The following PREX2 variants were observed in gnomAD, a reference collection of about 807,000 sequenced individuals.
The protein encoded by PREX2 is phosphatidylinositol 3,4,5-trisphosphate-dependent Rac exchanger 2 protein.
PREX2 carries 107 observed loss-of-function variants against 203.2 expected under a neutral mutation model. That is an observed-to-expected ratio of 0.53 (90% CI 0.45 to 0.62). The LOEUF is 0.62. PREX2 is among the 20% of genes least tolerant of loss of function. PREX2 has a pLI of 0.00. For missense variants in PREX2, 1,777 were observed against 1,955.9 expected (o/e 0.91, Z 1.72); for synonymous variants, 672 against 663.6 (o/e 1.01, Z -0.19).
chr8:68,163,143 C>CA (rs1335325312), intron 35 of PREX2, among the ~76,000 whole-genome samples: 2 of 151,382 alleles, frequency 1.3e-5, no homozygotes, highest in African/African-American at 2.4e-5. Flanking sequence ...AGACAACATA[C>CA]AAAAAAAAGA....
chr8:68,052,821 T>C (rs1242767369), intron 8 of PREX2, among the ~76,000 whole-genome samples: 1 of 152,236 alleles, frequency 6.6e-6, no homozygotes, highest in African/African-American at 2.4e-5. Flanking sequence ...TTTTTGTGCA[T>C]AGAGCATGTA....
chr8:68,170,098 A>G (rs1245872902), intron 35 of PREX2, among the ~76,000 whole-genome samples: 1 of 152,178 alleles, frequency 6.6e-6, no homozygotes, highest in Non-Finnish European at 1.5e-5. Flanking sequence ...ATCTTCCCAG[A>G]GCCAGTGAAT....
chr8:68,079,997 A>G (rs949423032), intron 15 of PREX2, among the ~76,000 whole-genome samples: 3 of 107,296 alleles, frequency 2.8e-5, no homozygotes, highest in Admixed American at 8.7e-5. Context: ...CAAGAAGGCA[A>G]CACTTAACCC....
intron 35 of PREX2, among the ~76,000 whole-genome samples, chr8:68,178,775 T>C (rs540099091): frequency 6.6e-6 from 1 of 152,268 alleles, no homozygotes; most frequent in Admixed American, 6.5e-5. Context: ...ATAACGCTCT[T>C]GGTAGAAGAA....
chr8:68,116,392 C>A lies in PREX2; in HGVS notation c.3326+460C>A, dbSNP rs542695058. 3.3e-5 allele frequency among the ~76,000 whole-genome samples: 5 copies of A among 152,268 alleles called. No individual in the cohort carries two copies. The South Asian group carries it at 1.0e-3, about 32-fold the overall frequency. ...TTCCTTGCCTACCTCGGAGACAAGG[C>A]TTGTGGTTTTTACTCTCTTGGATAC... On this transcript the variant is annotated intron_variant, in intron 26 of 39. Coordinates refer to ENST00000288368, the MANE Select transcript of PREX2 (RefSeq NM_024870.4).
chr8:68,184,174 C>T (rs1481867701), intron 35 of PREX2, among the ~76,000 whole-genome samples: 1 of 152,114 alleles, frequency 6.6e-6, no homozygotes, highest in South Asian at 2.1e-4. Context: ...CACTCATCGT[C>T]GTGTATTCTT....
At chr8:68,217,823 A>G (rs1812873815) in intron 38 of PREX2, 105 bp downstream of exon 38, 2 of 680,274 alleles carry the variant, frequency 2.9e-6, no homozygotes, top group South Asian at 4.1e-5. Context: ...TGTGATGGAC[A>G]GTTTACTAGG....
intron 23 of PREX2, 118 bp downstream of exon 23, chr8:68,099,961 G>A: frequency 2.1e-6 from 2 of 939,320 alleles, no homozygotes; most frequent in South Asian, 2.6e-5. Context: ...TTACTGAGAT[G>A]ATAACATTAT....
chr8:68,179,460 T>C (rs1208919754), intron 35 of PREX2, among the ~76,000 whole-genome samples: 2 of 152,092 alleles, frequency 1.3e-5, no homozygotes, highest in Non-Finnish European at 2.9e-5. Context: ...GAGAGCAAGT[T>C]TGCTTTACGC....
At chr8:68,006,137 A>G (rs374068156) in intron 1 of PREX2, among the ~76,000 whole-genome samples, 20 of 152,272 alleles carry the variant, frequency 1.3e-4, no homozygotes, top group African/African-American at 3.1e-4. Flanking sequence ...TGGTCCCCTA[A>G]GCTCCTGTAT....
chr8:67,996,697 A>T lies in PREX2; in HGVS notation c.142-21149A>T, dbSNP rs189638449. Among the ~76,000 whole-genome samples, 76 of 152,262 alleles carry T rather than the reference A, an allele frequency of 5.0e-4. 1 individual carries two copies. The highest frequency in any genetic ancestry group is 6.8e-3 in the Middle Eastern group (2 of 294). On this transcript the variant is annotated intron_variant, in intron 1 of 39. Transcript: ENST00000288368. ...TATGGTTAATATATCATTTTATCTT[A>T]AAAAATATTTGCCTCTCCCAAGATC...
chr8:68,197,967 T>G (rs1261958647), intron 37 of PREX2, among the ~76,000 whole-genome samples: 2 of 152,006 alleles, frequency 1.3e-5, no homozygotes, highest in South Asian at 2.1e-4. Context: ...CAGAGCGGCA[T>G]CTTTCTATAT....
intron 34 of PREX2, among the ~76,000 whole-genome samples, chr8:68,153,320 T>A (rs1476649834): frequency 6.6e-6 from 1 of 152,232 alleles, no homozygotes; most frequent in Non-Finnish European, 1.5e-5. Context: ...GATTAATCTC[T>A]TTCTTGGGAA....
chr8:68,187,211 A>G (rs1812208173), intron 35 of PREX2, among the ~76,000 whole-genome samples: 1 of 152,184 alleles, frequency 6.6e-6, no homozygotes, highest in African/African-American at 2.4e-5. Flanking sequence ...AGCCGTTTAA[A>G]TGACAGTCTT....
rs191766574 is a variant in PREX2 at position 68,039,190 on chromosome 8, T to C, written c.839+898T>C. ...GTTGTCACTTTTTCTACTTTCTCAC[T>C]TGCTATTCTGGCATGAGCAGCATTC... On this transcript the variant is annotated intron_variant, in intron 7 of 39. Coordinates refer to ENST00000288368, the MANE Select transcript of PREX2 (RefSeq NM_024870.4). Among the ~76,000 whole-genome samples the C allele has an allele frequency of 7.2e-5, 11 of 152,302 alleles. No homozygotes were observed. In the East Asian group the frequency reaches 2.1e-3, roughly 29 times the overall value.
At position 68,234,168 on chromosome 8, in the gene PREX2, A is replaced by G. The variant is rs1190597308; in HGVS notation, c.*2790A>G. Reference sequence around the variant, plus strand: ...ACACAGTGGTAAGAGTAAAAAACATACCTAATGGATGAATGAATAATGACA... The same window carrying G: ...ACACAGTGGTAAGAGTAAAAAACATGCCTAATGGATGAATGAATAATGACA... On this transcript the variant is annotated 3_prime_UTR_variant, in exon 40 of 40. Transcript: ENST00000288368. 6.6e-6 allele frequency: 1 copy of G among 152,152 alleles called. No individual in the cohort carries two copies. The highest frequency in any genetic ancestry group is 2.4e-5 in the African/African-American group (1 of 41,452). The allele number at this position is 152,152 out of a possible 1,614,324, so 9.4% of individuals were successfully genotyped here. A position where few individuals can be genotyped will look rare whatever the true frequency, so the allele number is the denominator to read the frequency against.
chr8:68,190,502 A>G (rs1172534104), intron 35 of PREX2, among the ~76,000 whole-genome samples: 1 of 152,168 alleles, frequency 6.6e-6, no homozygotes, highest in African/African-American at 2.4e-5. Flanking sequence ...ATTTAATACC[A>G]TATGTTCCCA....
rs116958209 is a variant in PREX2 at position 68,087,820 on chromosome 8, C to T, written c.2113+11C>T. ...ATGCTGTAGGAAGAGGTAGGAAATT[C>T]GTCTTGCAGGGAAACAGCTTTCCAG... On this transcript the variant is annotated intron_variant, in intron 19 of 39. Transcript: ENST00000288368. 0.016 allele frequency: 25,008 copies of T among 1,596,386 alleles called. 258 individuals are homozygous for T. The highest frequency in any genetic ancestry group is 0.037 in the Middle Eastern group (222 of 6,020).
intron 37 of PREX2, among the ~76,000 whole-genome samples, chr8:68,207,169 TCAAA>T (rs1339028452): frequency 6.6e-6 from 1 of 152,154 alleles, no homozygotes; most frequent in African/African-American, 2.4e-5. Flanking sequence ...TTACCATAAT[TCAAA>T]CAGAGTTGTT....
Sources: allele counts gnomAD v4.1 joint callset (sites outside exome capture counted in the v4.1 genomes callset), GRCh38; gene constraint gnomAD v4.1.1; transcripts MANE v1.5; gene names NCBI Gene and HGNC (gene_info 2026-07-23, HGNC 2026-07-21).